ACSM4: variants seen among roughly 807,000 people sequenced by gnomAD.
ACSM4 encodes the protein acyl-coenzyme A synthetase ACSM4, mitochondrial.
A neutral mutation model predicts 73.0 loss-of-function variants in ACSM4; 66 were observed. The ratio of observed to expected loss-of-function variants is 0.90; its 90% CI spans 0.74 to 1.11. The LOEUF (loss-of-function observed/expected upper bound fraction) is 1.11. Among genes scored for constraint, ACSM4 ranks in the 50% least tolerant of loss-of-function variants. The probability of loss-of-function intolerance (pLI) is 0.00; values close to 1 mark genes in which losing one functional copy is unlikely to be tolerated. For missense variants in ACSM4, 645 were observed against 714.4 expected (o/e 0.90, Z 1.11); for synonymous variants, 222 against 254.0 (o/e 0.87, Z 1.20).
chr12:7,324,272 G>A lies in ACSM4; in HGVS notation c.1309-1G>A. 2 of 1,611,660 alleles carry A rather than the reference G, an allele frequency of 1.2e-6. No individual in the cohort carries two copies. Among genetic ancestry groups the A allele is most frequent in the South Asian group, 2.2e-5 (2 of 90,672 alleles). On this transcript the variant is annotated splice_acceptor_variant, in intron 9 of 12. Coordinates refer to ENST00000399422, the MANE Select transcript of ACSM4 (RefSeq NM_001080454.2). LOFTEE classifies it high-confidence loss of function. Reference sequence around the variant, plus strand: ...CCCCAAATGTCATCCTTGGTTCCCAGGACAATCCACAGAAAACTGCTGCCA... The same window carrying A: ...CCCCAAATGTCATCCTTGGTTCCCAAGACAATCCACAGAAAACTGCTGCCA...
At chr12:7,323,350 G>A (rs747762874) in intron 8 of ACSM4, 36 bp downstream of exon 8, 2 of 1,599,824 alleles carry the variant, frequency 1.3e-6, no homozygotes, top group East Asian at 4.5e-5. Context: ...TTCAGTAAAG[G>A]AGAGAGAACG....
At chr12:7,321,519 G>A (rs1304023276) in intron 6 of ACSM4, among the ~76,000 whole-genome samples, 1 of 152,214 alleles carries the variant, frequency 6.6e-6, no homozygotes, top group Non-Finnish European at 1.5e-5. Context: ...TCTTTTCCTA[G>A]TCAGTGTCAA....
chr12:7,315,444 G>A (rs1591843383), intron 3 of ACSM4, among the ~76,000 whole-genome samples: 1 of 151,314 alleles, frequency 6.6e-6, no homozygotes, highest in Non-Finnish European at 1.5e-5. Context: ...CACCCCATCT[G>A]TACTAAAAAT....
chr12:7,324,206 T>G, intron 9 of ACSM4, 67 bp from the exon 10 acceptor site: 1 of 1,571,872 alleles, frequency 6.4e-7, no homozygotes. Context: ...TACTAGTCAC[T>G]TAATGAGTGC....
intron 2 of ACSM4, 150 bp from the exon 3 acceptor site, chr12:7,310,389 G>A: frequency 1.4e-6 from 1 of 726,196 alleles, no homozygotes; most frequent in Non-Finnish European, 2.3e-6. Context: ...AGGGATCAGG[G>A]TCCTGTGCAA....
chr12:7,313,054 A>G (rs1215876342), intron 3 of ACSM4, among the ~76,000 whole-genome samples: 2 of 152,194 alleles, frequency 1.3e-5, no homozygotes, highest in Non-Finnish European at 2.9e-5. Flanking sequence ...CCTGAGTGAC[A>G]GAGACCCTGT....
chr12:7,319,750 T>C (rs894773020), intron 5 of ACSM4, among the ~76,000 whole-genome samples: 1 of 152,158 alleles, frequency 6.6e-6, no homozygotes, highest in South Asian at 2.1e-4. Context: ...TTAACATAAA[T>C]GTACACTAAC....
intron 7 of ACSM4, 131 bp from the exon 8 acceptor site, chr12:7,323,103 A>T: frequency 1.3e-6 from 1 of 797,590 alleles, no homozygotes; most frequent in Non-Finnish European, 2.0e-6. Context: ...CTGGTTTCAA[A>T]TAATATATTT....
intron 7 of ACSM4, 30 bp downstream of exon 7, chr12:7,322,571 T>C (rs1946472047): frequency 6.3e-7 from 1 of 1,589,192 alleles, no homozygotes; most frequent in Non-Finnish European, 8.6e-7. Flanking sequence ...ATGTTTAGTA[T>C]ATGTGGGGGC....
In ACSM4 at chr12:7,323,562, T is replaced by A. The variant is rs766496268; in HGVS notation, c.1308+2T>A. 9.9e-6 allele frequency: 16 copies of A among 1,610,322 alleles called. No individual in the cohort carries two copies. The highest frequency in any genetic ancestry group is 1.3e-5 in the African/African-American group (1 of 74,816). Reference sequence around the variant, plus strand: ...TTCTGTTTCTTCTCTAAATATGTGGTATGAGGATAGAAAGTGCTGGTCATG... The same window carrying A: ...TTCTGTTTCTTCTCTAAATATGTGGAATGAGGATAGAAAGTGCTGGTCATG... On this transcript the variant is annotated splice_donor_variant, in intron 9 of 12. Transcript: ENST00000399422. LOFTEE classifies it high-confidence loss of function.
rs1395442999 is a variant in ACSM4 at position 7,319,658 on chromosome 12, C to CTG, written c.922-1062_922-1061dup. Among the ~76,000 whole-genome samples, 3 of 151,960 alleles carry CTG rather than the reference C, an allele frequency of 2.0e-5. No individual in the cohort carries two copies. In the East Asian group the frequency reaches 5.8e-4, roughly 29 times the overall value. On this transcript the variant is annotated intron_variant, in intron 5 of 12. Transcript: ENST00000399422. Reference sequence around the variant, plus strand: ...ACCTTGCCCCGCCACTCACCTCCTGCTGTGTGGCCCAGTTCCTAATAGGCC... The same window carrying CTG: ...ACCTTGCCCCGCCACTCACCTCCTGCTGTGTGTGGCCCAGTTCCTAATAGGCC...
intron 2 of ACSM4, among the ~76,000 whole-genome samples, chr12:7,308,520 T>C (rs915729982): frequency 6.6e-6 from 1 of 152,216 alleles, no homozygotes; most frequent in African/African-American, 2.4e-5. Context: ...CTGAGATATA[T>C]GCTATCTGAA....
At position 7,324,521 on chromosome 12, in the gene ACSM4, G is replaced by A. The variant is rs779165811; in HGVS notation, c.1459G>A (p.Val487Met). Residue 487 changes from valine (V) to methionine (M), a missense_variant, in exon 11 of 13, where the codon GTG becomes ATG. Transcript: ENST00000399422. ...SSGYRIGPFE[V>M]ESALIEHPAV... ...CAGGTACCGTATTGGGCCATTTGAA[G>A]TGGAGAGTGCACTCATTGAGCATCC... is the stretch of plus-strand genomic sequence containing the variant. The A allele has an allele frequency of 6.2e-7, 1 of 1,613,972 alleles. No individual in the cohort carries two copies. Among genetic ancestry groups the A allele is most frequent in the African/African-American group, 1.3e-5 (1 of 75,042 alleles).
intron 9 of ACSM4, 45 bp from the exon 10 acceptor site, chr12:7,324,228 C>G (rs1418321364): frequency 1.2e-6 from 2 of 1,604,106 alleles, no homozygotes; most frequent in Admixed American, 1.7e-5. Flanking sequence ...ATACCCATCT[C>G]TGTTCTGACC....
At chr12:7,311,169 A>T (rs773874770) in intron 3 of ACSM4, among the ~76,000 whole-genome samples, 6 of 152,000 alleles carry the variant, frequency 3.9e-5, no homozygotes, top group Non-Finnish European at 8.8e-5. Context: ...TTGTCTCAAA[A>T]AAATAAATAA....
chr12:7,317,420 C>A, intron 4 of ACSM4, 140 bp downstream of exon 4: 1 of 1,202,218 alleles, frequency 8.3e-7, no homozygotes, highest in Non-Finnish European at 1.1e-6. Flanking sequence ...TCTTGCTGGC[C>A]CCGCCCAACC....
intron 3 of ACSM4, 150 bp downstream of exon 3, chr12:7,310,896 T>G (rs918147947): frequency 1.9e-5 from 16 of 827,344 alleles, no homozygotes; most frequent in Non-Finnish European, 2.8e-5. Context: ...CTGGGTGCGC[T>G]GGCTCACACC....
rs760018736 is a variant in ACSM4, at chr12:7,310,524, C to T, written c.413-15C>T. ...CAGCAGTTCTGTTCAGTGCAGGGCC[C>T]TCTGTCCTTCCCAGGGATCATCTTC... is the stretch of plus-strand genomic sequence containing the variant. On this transcript the variant is annotated splice_polypyrimidine_tract_variant and intron_variant, in intron 2 of 12. Transcript: ENST00000399422. The T allele has an allele frequency of 6.3e-7, 1 of 1,593,562 alleles. No individual in the cohort carries two copies. The highest frequency in any genetic ancestry group is 2.3e-5 in the East Asian group (1 of 44,060).
At chr12:7,312,152 C>G (rs1395999544) in intron 3 of ACSM4, among the ~76,000 whole-genome samples, 1 of 152,204 alleles carries the variant, frequency 6.6e-6, no homozygotes, top group Non-Finnish European at 1.5e-5. Context: ...TTTGGCAACC[C>G]CTGCCCTAAA....
Sources: allele counts gnomAD v4.1 joint callset (sites outside exome capture counted in the v4.1 genomes callset), GRCh38; gene constraint gnomAD v4.1.1; transcripts MANE v1.5; gene names NCBI Gene and HGNC (gene_info 2026-07-23, HGNC 2026-07-21).